The following TDRD9 variants were observed in gnomAD, a reference collection of about 807,000 sequenced individuals.
The protein encoded by TDRD9 is tudor domain containing 9.
TDRD9 carries 124 observed loss-of-function variants against 172.6 expected under a neutral mutation model. The observed-to-expected ratio is 0.72, with a 90% confidence interval of 0.62 to 0.83. The LOEUF (loss-of-function observed/expected upper bound fraction) is 0.83. Ranked by LOEUF, TDRD9 falls within the 40% of genes least tolerant of loss-of-function variation. The pLI is 0.00. For synonymous variants in TDRD9, 619 were observed against 617.1 expected (o/e 1.00, Z -0.05); for missense variants, 1,479 against 1,714.1 (o/e 0.86, Z 2.42).
chr14:103,947,643 C>T (rs923407442), intron 1 of TDRD9, among the ~76,000 whole-genome samples: 3 of 152,070 alleles, frequency 2.0e-5, no homozygotes, highest in African/African-American at 7.2e-5. Context: ...GTCTTTTCAG[C>T]AAATGATGCT....
intron 7 of TDRD9, 133 bp downstream of exon 7, chr14:103,975,686 T>C: frequency 1.1e-6 from 1 of 893,348 alleles, no homozygotes; most frequent in South Asian, 2.2e-5. Context: ...TAAGTGTACA[T>C]ATTTATGGAG....
chr14:103,980,162 T>C lies in TDRD9; in HGVS notation c.1011+4609T>C, dbSNP rs1157640613. Among the ~76,000 whole-genome samples the C allele has an allele frequency of 1.3e-5, 2 of 151,742 alleles. No individual in the cohort carries two copies. The highest frequency in any genetic ancestry group is 2.9e-5 in the Non-Finnish European group (2 of 67,944). On this transcript the variant is annotated intron_variant, in intron 7 of 35. Transcript: ENST00000409874. This position sits in a 1 kb window ranked among gnomAD's most constrained non-coding sequence, Gnocchi z 4.5. ...GGGTTTTTCTCCCCGTGTGCAGAGATGAGAGATTGTAGAAATAAAGACACA... is the reference window on the plus strand; with the variant it reads ...GGGTTTTTCTCCCCGTGTGCAGAGACGAGAGATTGTAGAAATAAAGACACA...
intron 12 of TDRD9, among the ~76,000 whole-genome samples, chr14:103,996,539 A>G (rs1472237688): frequency 6.6e-6 from 1 of 152,210 alleles, no homozygotes; most frequent in South Asian, 2.1e-4. Context: ...TGACATTTTA[A>G]TAGAGACCTG....
At chr14:104,032,122 T>TC in intron 30 of TDRD9, 35 bp downstream of exon 30, 1 of 1,327,830 alleles carries the variant, frequency 7.5e-7, no homozygotes, top group South Asian at 1.3e-5. Context: ...GAATTTTTTT[T>TC]CTCTGCTTTT....
At chr14:103,956,095 AAAAAAAAAAAAAAAAAATATATAT>A (rs1256103293) in intron 2 of TDRD9, among the ~76,000 whole-genome samples, 6 of 48,070 alleles carry the variant, frequency 1.2e-4, no homozygotes, top group African/African-American at 5.2e-4. Flanking sequence ...AAAAAAAAAA[AAAAAAAAAAAAAAAAAATATATAT>A]ATATATATAT....
intron 1 of TDRD9, chr14:103,939,751 T>TTCTCG: frequency 1.2e-5 from 1 of 80,046 alleles, no homozygotes. Flanking sequence ...GTGTTTTTTT[T>TTCTCG]TTTTTTTTTT....
chr14:103,956,079 TAAAAAAAAAAA>T (rs60712068), intron 2 of TDRD9, among the ~76,000 whole-genome samples: 25 of 25,174 alleles, frequency 9.9e-4, no homozygotes, highest in African/African-American at 2.3e-3. Flanking sequence ...ACCCTCTCTT[TAAAAAAAAAAA>T]AAAAAAAAAA....
In TDRD9 at chr14:103,994,313, C is replaced by T; in HGVS notation, c.1181-19C>T. 3 of 1,609,530 alleles carry T rather than the reference C, an allele frequency of 1.9e-6. No homozygotes were observed. Among genetic ancestry groups the T allele is most frequent in the Non-Finnish European group, 2.6e-6 (3 of 1,176,356 alleles). On this transcript the variant is annotated intron_variant, in intron 9 of 35. Transcript: ENST00000409874. Reference sequence around the variant, plus strand: ...ATACAAACATGTTTATTTCCCTCCTCCACTTTTTTCTTCCCTAGGTCTGGG... The same window carrying T: ...ATACAAACATGTTTATTTCCCTCCTTCACTTTTTTCTTCCCTAGGTCTGGG...
intron 1 of TDRD9, among the ~76,000 whole-genome samples, chr14:103,950,347 C>G (rs1359932866): frequency 1.3e-5 from 2 of 152,166 alleles, no homozygotes; most frequent in Non-Finnish European, 2.9e-5. Flanking sequence ...GCCTCAGCCT[C>G]CCAAAGTGCT....
intron 35 of TDRD9, 156 bp downstream of exon 35, chr14:104,049,836 C>G: frequency 1.6e-6 from 1 of 618,818 alleles, no homozygotes; most frequent in Non-Finnish European, 2.9e-6. Context: ...TGGCAAATGT[C>G]TCAGACCAGA....
chr14:104,045,827 G>T (rs904798825), intron 34 of TDRD9, among the ~76,000 whole-genome samples: 1 of 152,186 alleles, frequency 6.6e-6, no homozygotes, highest in African/African-American at 2.4e-5. Flanking sequence ...CAGCAAGAAG[G>T]CCCTGGCCAG....
intron 30 of TDRD9, among the ~76,000 whole-genome samples, chr14:104,033,096 G>A (rs552772768): frequency 2.4e-4 from 36 of 152,240 alleles, no homozygotes; most frequent in Non-Finnish European, 4.3e-4. Flanking sequence ...TGTGGTAGAC[G>A]AGGGCAAACT....
Position 103,997,975 on chromosome 14 carries a change from G to C in TDRD9, c.1379-649G>C, listed in dbSNP as rs2034113168. ...GGTGCTTTGCTGTAGGGGAGCAGAG[G>C]AAATGGGGCAGTAAGTGAAGGGGTG... On this transcript the variant is annotated intron_variant, in intron 12 of 35. Coordinates refer to ENST00000409874, the MANE Select transcript of TDRD9 (RefSeq NM_153046.3). This position sits in a 1 kb window ranked among gnomAD's most constrained non-coding sequence, Gnocchi z 5.1. Among the ~76,000 whole-genome samples the C allele has an allele frequency of 6.6e-6, 1 of 152,144 alleles. No individual in the cohort carries two copies. The highest frequency in any genetic ancestry group is 2.4e-5 in the African/African-American group (1 of 41,424).
Position 104,041,542 on chromosome 14 carries a change from C to T in TDRD9, c.3856-527C>T, listed in dbSNP as rs546322951. 2.6e-5 allele frequency among the ~76,000 whole-genome samples: 4 copies of T among 152,296 alleles called. No homozygotes were observed. In the East Asian group the frequency reaches 7.7e-4, roughly 29 times the overall value. On this transcript the variant is annotated intron_variant, in intron 33 of 35. Transcript: ENST00000409874. ...TAAAACTCAATTATAAGAAAACAAG[C>T]AACAGAATTAAAATACGGATGACAG...
At chr14:104,007,094 A>C in intron 18 of TDRD9, 66 bp from the exon 19 acceptor site, 1 of 1,460,960 alleles carries the variant, frequency 6.8e-7, no homozygotes, top group Non-Finnish European at 9.4e-7. Context: ...GTTTGTTGAA[A>C]TTGTACTTAA....
chr14:103,939,447 A>C (rs528520935), intron 1 of TDRD9, among the ~76,000 whole-genome samples: 2 of 152,144 alleles, frequency 1.3e-5, no homozygotes, highest in Non-Finnish European at 2.9e-5. Context: ...TTTCCACTCT[A>C]GGAAATCTTA....
intron 1 of TDRD9, among the ~76,000 whole-genome samples, chr14:103,933,937 T>G (rs535447319): frequency 4.6e-5 from 7 of 152,254 alleles, no homozygotes; most frequent in African/African-American, 1.7e-4. Flanking sequence ...TCTTTTTGTC[T>G]TGTTGCCTTT....
In TDRD9 at chr14:103,938,433, TATATATA is replaced by T. The variant is rs1388663863; in HGVS notation, c.215+9710_215+9716del. Among the ~76,000 whole-genome samples the T allele has an allele frequency of 1.9e-3, 118 of 61,408 alleles. 5 individuals are homozygous for T. The highest frequency in any genetic ancestry group is 6.4e-3 in the African/African-American group (100 of 15,720). The allele number at this position is 61,408 out of a possible 152,430, so 40.3% of individuals were successfully genotyped here. A position where few individuals can be genotyped will look rare whatever the true frequency, so the allele number is the denominator to read the frequency against. Reference sequence around the variant, plus strand: ...GTGTGTGTATATATATATATATATATATATATATTTTTTTTTTTTTTTTGAGATGGTG... The same window carrying T: ...GTGTGTGTATATATATATATATATATTTTTTTTTTTTTTTTTGAGATGGTG... On this transcript the variant is annotated intron_variant, in intron 1 of 35. Transcript: ENST00000409874.
intron 5 of TDRD9, among the ~76,000 whole-genome samples, chr14:103,969,249 C>A (rs75959599): frequency 0.023 from 3,504 of 151,222 alleles, 76 homozygotes; most frequent in East Asian, 0.07. Flanking sequence ...CTAGGGAGAC[C>A]CATCTGCTGA....
Sources: gnomAD v4.1 joint callset for allele counts (sites outside exome capture counted in the v4.1 genomes callset) on GRCh38, gnomAD v4.1.1 for gene constraint, Gnocchi (gnomAD v3.1) non-coding constraint, MANE v1.5 for transcripts, NCBI Gene and HGNC (gene_info 2026-07-23, HGNC 2026-07-21) for gene names.